Variants in MSRA observed in about 807,000 individuals in gnomAD.
MSRA encodes the protein methionine sulfoxide reductase A, also known as mitochondrial peptide methionine sulfoxide reductase.
MSRA carries 54 observed loss-of-function variants against 31.3 expected under a neutral mutation model. That is an observed-to-expected ratio of 1.73 (90% confidence interval 1.39 to 2.17). The LOEUF (loss-of-function observed/expected upper bound fraction) is 2.17, where lower values mean the gene tolerates loss of function less well. Among genes scored for constraint, MSRA ranks in the 30% most tolerant of loss-of-function variants. The pLI is 0.00. For synonymous variants in MSRA, 169 were observed against 116.5 expected, an observed-to-expected ratio of 1.45 and a Z score of -2.90; for missense variants, 507 against 300.9, an observed-to-expected ratio of 1.69 and a Z score of -5.07.
chr8:10,217,020 G>T (rs1810052696), intron 2 of MSRA, among the ~76,000 whole-genome samples: 1 of 152,178 alleles, frequency 6.6e-6, no homozygotes, highest in African/African-American at 2.4e-5. Context: ...ATTCCCACCA[G>T]CGAACCACAA....
At chr8:10,388,124 G>A (rs1028577289) in intron 5 of MSRA, among the ~76,000 whole-genome samples, 21 of 152,120 alleles carry the variant, frequency 1.4e-4, no homozygotes, top group Admixed American at 1.2e-3. Flanking sequence ...TATGTACATG[G>A]GAGAAACTCA....
At chr8:10,225,378 T>C (rs1810904068) in intron 2 of MSRA, among the ~76,000 whole-genome samples, 1 of 152,236 alleles carries the variant, frequency 6.6e-6, no homozygotes, top group Admixed American at 6.5e-5. Context: ...ATTACCCATC[T>C]CTGCCTGTGC....
At chr8:10,056,322 A>C (rs1802368309) in intron 1 of MSRA, among the ~76,000 whole-genome samples, 1 of 152,112 alleles carries the variant, frequency 6.6e-6, no homozygotes, top group Admixed American at 6.5e-5. Context: ...AGTCTTCCCA[A>C]TCAGTTTCCT....
At chr8:10,123,641 T>C (rs1368024133) in intron 1 of MSRA, among the ~76,000 whole-genome samples, 2 of 152,124 alleles carry the variant, frequency 1.3e-5, no homozygotes, top group Non-Finnish European at 2.9e-5. Context: ...GTTTTTATAG[T>C]TTTGAGGTTT....
intron 1 of MSRA, among the ~76,000 whole-genome samples, chr8:10,184,446 G>C (rs182027086): frequency 6.6e-6 from 1 of 151,886 alleles, no homozygotes; most frequent in Admixed American, 6.6e-5. Context: ...TAAAAGGTTT[G>C]GCTGGTGTTA....
intron 5 of MSRA, among the ~76,000 whole-genome samples, chr8:10,350,057 A>G (rs1804029833): frequency 6.6e-6 from 1 of 152,180 alleles, no homozygotes; most frequent in Admixed American, 6.5e-5. Context: ...GAGACCTCGG[A>G]TTGTACTTGA....
At chr8:10,293,048 C>G (rs1250504471) in intron 3 of MSRA, among the ~76,000 whole-genome samples, 4 of 152,128 alleles carry the variant, frequency 2.6e-5, no homozygotes, top group African/African-American at 9.7e-5. Flanking sequence ...TGTCTCCGTC[C>G]CTCGTGAGCT....
chr8:10,335,364 C>T (rs1802976241), intron 5 of MSRA, among the ~76,000 whole-genome samples: 1 of 144,512 alleles, frequency 6.9e-6, no homozygotes. Context: ...CTGTCAGATT[C>T]CATTTACCTT....
chr8:10,142,417 C>T (rs1301823907), intron 1 of MSRA, among the ~76,000 whole-genome samples: 1 of 152,218 alleles, frequency 6.6e-6, no homozygotes, highest in Non-Finnish European at 1.5e-5. Context: ...CTGAGGGCTT[C>T]TGCTTCTAAA....
At chr8:10,274,111 A>G (rs2129102436) in intron 3 of MSRA, among the ~76,000 whole-genome samples, 1 of 152,304 alleles carries the variant, frequency 6.6e-6, no homozygotes, top group South Asian at 2.1e-4. Context: ...GACGCAATTT[A>G]CAAGGCCCAG....
At chr8:10,416,570 G>T (rs558076223) in intron 5 of MSRA, among the ~76,000 whole-genome samples, 2 of 152,194 alleles carry the variant, frequency 1.3e-5, no homozygotes, top group South Asian at 2.1e-4. Context: ...TATAGCGTCT[G>T]CCTGGAGACC....
rs17151819 is a variant in MSRA at position 10,361,497 on chromosome 8, C to T, written c.543+41508C>T. On this transcript the variant is annotated intron_variant, in intron 5 of 5. Transcript: ENST00000317173. ...AACTTCCCTTTGCATTCTCCCAGTACTATAAGACTCATACGTCCTGGGTTT... is the reference window on the plus strand; with the variant it reads ...AACTTCCCTTTGCATTCTCCCAGTATTATAAGACTCATACGTCCTGGGTTT... 9.0e-3 allele frequency among the ~76,000 whole-genome samples: 1,365 copies of T among 152,258 alleles called. 21 individuals carry two copies. Among genetic ancestry groups the T allele is most frequent in the African/African-American group, 0.031 (1,300 of 41,536 alleles).
intron 1 of MSRA, among the ~76,000 whole-genome samples, chr8:10,176,013 G>C (rs1001942966): frequency 2.0e-4 from 31 of 152,048 alleles, no homozygotes; most frequent in Admixed American, 1.6e-3. Flanking sequence ...CATCAGTATT[G>C]GGCTAATGGA....
At chr8:10,318,992 A>G (rs982441961) in intron 4 of MSRA, among the ~76,000 whole-genome samples, 3 of 152,036 alleles carry the variant, frequency 2.0e-5, no homozygotes, top group Non-Finnish European at 2.9e-5. Flanking sequence ...TGCCAAGACA[A>G]GTCACTTCCT....
intron 5 of MSRA, among the ~76,000 whole-genome samples, chr8:10,384,412 G>T (rs751533063): frequency 6.6e-6 from 1 of 152,156 alleles, no homozygotes. Context: ...TGGTGGTCTG[G>T]GCCACACGAA....
rs570685049 is a variant in MSRA, at chr8:10,145,029, A to T, written c.143-62804A>T. Reference sequence around the variant, plus strand: ...CTCTCCCTGCTTTTCCTTTCAGACAATAAATAGCTGTCAGGCTTATGTCAA... The same window carrying T: ...CTCTCCCTGCTTTTCCTTTCAGACATTAAATAGCTGTCAGGCTTATGTCAA... On this transcript the variant is annotated intron_variant, in intron 1 of 5. Transcript: ENST00000317173. Among the ~76,000 whole-genome samples, 6 of 152,302 alleles carry T rather than the reference A, an allele frequency of 3.9e-5. No homozygotes were observed. The South Asian group carries it at 1.2e-3, about 32-fold the overall frequency.
intron 1 of MSRA, among the ~76,000 whole-genome samples, chr8:10,120,795 G>A (rs539194614): frequency 6.6e-6 from 1 of 152,288 alleles, no homozygotes; most frequent in Admixed American, 6.5e-5. Context: ...CTCTCCAAAC[G>A]CTGTGGCTGC....
At chr8:10,084,667 T>A (rs1330496100) in intron 1 of MSRA, among the ~76,000 whole-genome samples, 1 of 152,202 alleles carries the variant, frequency 6.6e-6, no homozygotes, top group Non-Finnish European at 1.5e-5. Flanking sequence ...GATACCCTGA[T>A]GAGAGGTAGG....
chr8:10,068,504 G>T (rs1469366765), intron 1 of MSRA, among the ~76,000 whole-genome samples: 2 of 152,220 alleles, frequency 1.3e-5, no homozygotes, highest in Non-Finnish European at 2.9e-5. Context: ...TAAGGTCTGT[G>T]TCTAGATTTA....
Sources: gnomAD v4.1 joint callset for allele counts (sites outside exome capture counted in the v4.1 genomes callset) on GRCh38, gnomAD v4.1.1 for gene constraint, MANE v1.5 for transcripts, NCBI Gene and HGNC (gene_info 2026-07-23, HGNC 2026-07-21) for gene names.